The following PRKG1 variants were observed in gnomAD, a reference collection of about 807,000 sequenced individuals.
The protein encoded by PRKG1 is cGMP-dependent protein kinase 1.
PRKG1 carries 35 observed loss-of-function variants against 88.1 expected under a neutral mutation model. That is an observed-to-expected ratio of 0.40 (90% CI 0.30 to 0.53). The LOEUF (loss-of-function observed/expected upper bound fraction) is 0.53, where lower values mean the gene tolerates loss of function less well. Ranked by LOEUF, PRKG1 falls within the 20% of genes least tolerant of loss-of-function variation. The probability of loss-of-function intolerance (pLI) is 0.59; values close to 1 mark genes in which losing one functional copy is unlikely to be tolerated. For missense variants in PRKG1, 540 were observed against 839.8 expected (o/e 0.64, Z 4.41); for synonymous variants, 303 against 292.5 (o/e 1.04, Z -0.37).
chr10:51,948,190 T>C (rs140359930), intron 5 of PRKG1, among the ~76,000 whole-genome samples: 167 of 152,320 alleles, frequency 1.1e-3, no homozygotes, highest in African/African-American at 3.7e-3. Context: ...TCAAAACATG[T>C]ATTTCAGGAG....
chr10:51,745,353 G>T (rs1424148559), intron 3 of PRKG1, among the ~76,000 whole-genome samples: 1 of 151,898 alleles, frequency 6.6e-6, no homozygotes. Flanking sequence ...GCAGTTTTAG[G>T]TTCACAGCAC....
At chr10:51,047,723 G>A (rs1441845114) in intron 1 of PRKG1, among the ~76,000 whole-genome samples, 4 of 151,704 alleles carry the variant, frequency 2.6e-5, no homozygotes, top group Middle Eastern at 3.4e-3. Flanking sequence ...CTGGGGCCAA[G>A]TTTCAGTTGG....
At chr10:51,699,985 G>T (rs1841423584) in intron 3 of PRKG1, among the ~76,000 whole-genome samples, 1 of 152,254 alleles carries the variant, frequency 6.6e-6, no homozygotes, top group Non-Finnish European at 1.5e-5. Context: ...CGGATTTAAG[G>T]CGGCGTGTTT....
intron 2 of PRKG1, among the ~76,000 whole-genome samples, chr10:51,361,022 T>TA (rs1384617133): frequency 6.6e-6 from 1 of 151,922 alleles, no homozygotes; most frequent in Non-Finnish European, 1.5e-5. Context: ...GGAGCTATAG[T>TA]ATATTTAAGG....
intron 4 of PRKG1, among the ~76,000 whole-genome samples, chr10:51,868,006 A>G (rs1049466686): frequency 2.6e-5 from 4 of 152,102 alleles, no homozygotes; most frequent in African/African-American, 7.2e-5. Flanking sequence ...TCACTTACGC[A>G]TGGCCTGTAT....
chr10:52,161,163 G>A (rs185943381), intron 8 of PRKG1, among the ~76,000 whole-genome samples: 92 of 152,030 alleles, frequency 6.1e-4, no homozygotes, highest in African/African-American at 2.0e-3. Context: ...TTGTGTTGGC[G>A]CTATAATATT....
intron 5 of PRKG1, among the ~76,000 whole-genome samples, chr10:51,980,418 A>G (rs76967727): frequency 0.072 from 11,014 of 152,174 alleles, 516 homozygotes; most frequent in Non-Finnish European, 0.1. Flanking sequence ...TGATTTTACA[A>G]TATGTGCCCT....
At chr10:51,502,386 G>C (rs1841055769) in intron 3 of PRKG1, among the ~76,000 whole-genome samples, 1 of 152,150 alleles carries the variant, frequency 6.6e-6, no homozygotes, top group African/African-American at 2.4e-5. Flanking sequence ...AGCACAAATT[G>C]CTATCTGAAC....
chr10:52,294,656 A>G lies in PRKG1; in HGVS notation c.*756A>G, dbSNP rs1222195363. On this transcript the variant is annotated 3_prime_UTR_variant, in exon 18 of 18. Transcript: ENST00000373980. Reference sequence around the variant, plus strand: ...TAAATTGGCATGACAGAGTGGGGAAAAAAAGCAATTCACAAAACCATTTCA... The same window carrying G: ...TAAATTGGCATGACAGAGTGGGGAAGAAAAGCAATTCACAAAACCATTTCA... 1 of 152,592 alleles carries G rather than the reference A, an allele frequency of 6.6e-6. No homozygotes were observed. The highest frequency in any genetic ancestry group is 1.5e-5 in the Non-Finnish European group (1 of 68,020). The allele number at this position is 152,592 out of a possible 1,614,324, so 9.5% of individuals were successfully genotyped here.
At chr10:51,254,549 ACACCTTACATAGCAG>A (rs1839508504) in intron 2 of PRKG1, among the ~76,000 whole-genome samples, 1 of 152,004 alleles carries the variant, frequency 6.6e-6, no homozygotes, top group African/African-American at 2.4e-5. Context: ...AACAATAACA[ACACCTTACATAGCAG>A]CAAAGAAAGC....
At chr10:51,271,377 A>G (rs1202193442) in intron 2 of PRKG1, among the ~76,000 whole-genome samples, 2 of 152,054 alleles carry the variant, frequency 1.3e-5, no homozygotes, top group East Asian at 1.9e-4. Flanking sequence ...CTCTAATTGT[A>G]TAACAAAATC....
At chr10:51,162,136 G>A (rs1305433618) in intron 2 of PRKG1, among the ~76,000 whole-genome samples, 1 of 152,178 alleles carries the variant, frequency 6.6e-6, no homozygotes, top group Non-Finnish European at 1.5e-5. Context: ...AGCCTTGAAT[G>A]TTTAGTAATT....
intron 2 of PRKG1, among the ~76,000 whole-genome samples, chr10:51,277,080 T>C (rs962387981): frequency 2.0e-5 from 3 of 152,222 alleles, no homozygotes; most frequent in Admixed American, 1.3e-4. Context: ...TCTTCTAGGG[T>C]TTTTATGGTT....
intron 3 of PRKG1, among the ~76,000 whole-genome samples, chr10:51,570,767 G>T (rs1427593296): frequency 6.6e-6 from 1 of 151,592 alleles, no homozygotes; most frequent in Non-Finnish European, 1.5e-5. Context: ...GATGTATAGG[G>T]TGTGAAAATG....
At chr10:51,394,928 A>T (rs539864678) in intron 2 of PRKG1, among the ~76,000 whole-genome samples, 2 of 151,952 alleles carry the variant, frequency 1.3e-5, no homozygotes, top group Non-Finnish European at 2.9e-5. Context: ...GGATTCTTAA[A>T]TTTTTTTTCT....
At chr10:51,706,248 T>G (rs1841601145) in intron 3 of PRKG1, among the ~76,000 whole-genome samples, 2 of 152,218 alleles carry the variant, frequency 1.3e-5, no homozygotes, top group Admixed American at 1.3e-4. Flanking sequence ...GTATTTAATA[T>G]GAAACAATGT....
At chr10:51,314,927 G>A (rs748004129) in intron 2 of PRKG1, among the ~76,000 whole-genome samples, 2 of 152,154 alleles carry the variant, frequency 1.3e-5, no homozygotes, top group East Asian at 1.9e-4. Context: ...ATGCCCTTGA[G>A]TTGGTTTCTA....
At chr10:51,535,725 ATT>A (rs34150180) in intron 3 of PRKG1, among the ~76,000 whole-genome samples, 45,551 of 144,986 alleles carry the variant, frequency 0.31, 8,060 homozygotes, top group Non-Finnish European at 0.42. Flanking sequence ...GAAATCAATG[ATT>A]TTTTTTTTTT....
At chr10:51,025,997 A>T (rs1017247050) in intron 1 of PRKG1, among the ~76,000 whole-genome samples, 1 of 152,112 alleles carries the variant, frequency 6.6e-6, no homozygotes, top group Non-Finnish European at 1.5e-5. Flanking sequence ...TGTCCTCATA[A>T]AAAGGGGGAA....
Sources: allele counts gnomAD v4.1 joint callset (sites outside exome capture counted in the v4.1 genomes callset), GRCh38; gene constraint gnomAD v4.1.1; transcripts MANE v1.5; gene names NCBI Gene and HGNC (gene_info 2026-07-23, HGNC 2026-07-21).